CACNA1A: variants seen among roughly 807,000 people sequenced by gnomAD.
CACNA1A encodes voltage-dependent P/Q-type calcium channel subunit alpha-1A.
In CACNA1A, 57 loss-of-function variants were observed where a neutral mutation model predicts 262.4. The ratio of observed to expected loss-of-function variants is 0.22; its 90% CI spans 0.18 to 0.27. CACNA1A has a LOEUF of 0.27. Among genes scored for constraint, CACNA1A ranks in the 10% least tolerant of loss-of-function variants. The pLI, the probability that CACNA1A is intolerant of heterozygous loss-of-function variation, is 1.00. For missense variants in CACNA1A, 2,526 were observed against 3,562.8 expected, an observed-to-expected ratio of 0.71 and a Z score of 7.41; for synonymous variants, 1,431 against 1,419.3, an observed-to-expected ratio of 1.01 and a Z score of -0.18.
At chr19:13,304,822 C>T (rs958006363) in intron 15 of CACNA1A, among the ~76,000 whole-genome samples, 11 of 152,128 alleles carry the variant, frequency 7.2e-5, no homozygotes, top group Non-Finnish European at 1.0e-4. Context: ...GACTTCCCGG[C>T]CTCCAGAACT....
At chr19:13,208,658 G>C (rs932332213) in intron 46 of CACNA1A, 98 bp downstream of exon 46, 249 of 1,388,390 alleles carry the variant, frequency 1.8e-4, no homozygotes, top group Non-Finnish European at 2.3e-4. Context: ...CGGGATCCGG[G>C]GACCTTTGCC....
intron 10 of CACNA1A, among the ~76,000 whole-genome samples, chr19:13,321,683 G>GA (rs2058256331): frequency 6.6e-6 from 1 of 151,004 alleles, no homozygotes; most frequent in Non-Finnish European, 1.5e-5. Flanking sequence ...TCTAAACATA[G>GA]AAAAGGTACA....
chr19:13,442,421 G>A (rs1273629105), intron 3 of CACNA1A, among the ~76,000 whole-genome samples: 1 of 152,202 alleles, frequency 6.6e-6, no homozygotes, highest in Non-Finnish European at 1.5e-5. Flanking sequence ...AGCAAACTCT[G>A]TGATGCCAGA....
intron 24 of CACNA1A, among the ~76,000 whole-genome samples, chr19:13,263,844 G>C (rs2056799098): frequency 6.6e-6 from 1 of 152,112 alleles, no homozygotes; most frequent in African/African-American, 2.4e-5. Context: ...TTTTAAAGGT[G>C]GTATCAGTGG....
intron 12 of CACNA1A, among the ~76,000 whole-genome samples, chr19:13,311,643 C>T (rs1600300809): frequency 6.6e-6 from 1 of 152,260 alleles, no homozygotes; most frequent in Non-Finnish European, 1.5e-5. Context: ...CAAGACCATC[C>T]TGGCTAACAC....
intron 5 of CACNA1A, among the ~76,000 whole-genome samples, chr19:13,360,261 GTGTGTATATATA>G (rs145118883): frequency 0.2 from 20,160 of 103,340 alleles, 2,232 homozygotes; most frequent in East Asian, 0.39. Flanking sequence ...GTGTGTGTGT[GTGTGTATATATA>G]TATATATATA....
chr19:13,276,150 CT>C (rs1292916025), intron 23 of CACNA1A, among the ~76,000 whole-genome samples, 194 bp from the exon 24 acceptor site: 5 of 152,208 alleles, frequency 3.3e-5, no homozygotes. Context: ...CCCCCTTTGC[CT>C]GATGGAAGCC....
At chr19:13,209,059 G>A (rs2054698968) in intron 45 of CACNA1A, 50 bp from the exon 46 acceptor site, 1 of 1,536,012 alleles carries the variant, frequency 6.5e-7, no homozygotes, top group Non-Finnish European at 8.7e-7. Flanking sequence ...TGAGGGAGAG[G>A]TGGGGCAGAT....
At chr19:13,419,469 A>G (rs1223761596) in intron 3 of CACNA1A, among the ~76,000 whole-genome samples, 1 of 152,038 alleles carries the variant, frequency 6.6e-6, no homozygotes, top group African/African-American at 2.4e-5. Flanking sequence ...TGAGCCCAGG[A>G]GTTTGAGACC....
In CACNA1A at chr19:13,210,413, G is replaced by C. The variant is rs767903285; in HGVS notation, c.6339+204C>G. Among the ~76,000 whole-genome samples the C allele has an allele frequency of 3.6e-4, 55 of 152,188 alleles. 1 individual carries two copies. Among genetic ancestry groups the C allele is most frequent in the Non-Finnish European group, 7.2e-4 (49 of 68,024 alleles). On this transcript the variant is annotated intron_variant, in intron 44 of 46. Coordinates refer to ENST00000360228, the MANE Select transcript of CACNA1A (RefSeq NM_001127222.2). ...GGGGGTAGGGGTGAGGATGGGGATG[G>C]CCCCGCCCACCAGGGCTTATGGGTG...
intron 6 of CACNA1A, 90 bp from the exon 7 acceptor site, chr19:13,335,999 T>C: frequency 1.4e-6 from 1 of 739,402 alleles, no homozygotes. Flanking sequence ...TCGGTTCTCT[T>C]GTGGCTCTGT....
chr19:13,329,262 C>T (rs1432423203), intron 10 of CACNA1A, among the ~76,000 whole-genome samples: 1 of 152,098 alleles, frequency 6.6e-6, no homozygotes, highest in African/African-American at 2.4e-5. Flanking sequence ...CTTCTGCTAT[C>T]ACCACCACAG....
At chr19:13,358,273 A>G (rs568547070) in intron 6 of CACNA1A, among the ~76,000 whole-genome samples, 6 of 152,204 alleles carry the variant, frequency 3.9e-5, no homozygotes, top group Admixed American at 3.9e-4. Flanking sequence ...GCTGTGCAAA[A>G]GAATAAAGAA....
chr19:13,498,293 T>G (rs1981927094), intron 1 of CACNA1A, among the ~76,000 whole-genome samples: 1 of 152,094 alleles, frequency 6.6e-6, no homozygotes, highest in Non-Finnish European at 1.5e-5. Flanking sequence ...CATCCAGACT[T>G]CGCCCTCCTG....
Position 13,259,610 on chromosome 19 carries a change from C to T in CACNA1A, c.4342G>A (p.Ala1448Thr). ...GACACGGTGAAGAGGGTCAGCAGAG[C>T]CCACAGCACATTGTCGTAATGGAAT... Reference protein sequence around the residue: ...YEFHYDNVLWALLTLFTVSTG... With the variant: ...YEFHYDNVLWTLLTLFTVSTG... The change falls in exon 27 of 47, where the codon GCT becomes ACT. Residue 1448 changes from alanine to threonine, a missense_variant. This residue lies in a region of CACNA1A where 137 missense variants were observed against 377.7 expected (regional missense o/e 0.36). Coordinates refer to ENST00000360228, the MANE Select transcript of CACNA1A (RefSeq NM_001127222.2). 1 of 1,610,328 alleles carries T rather than the reference C, an allele frequency of 6.2e-7. No individual in the cohort carries two copies. The highest frequency in any genetic ancestry group is 8.5e-7 in the Non-Finnish European group (1 of 1,178,328).
chr19:13,271,524 TCTG>T (rs1298714651), intron 24 of CACNA1A: 1 of 152,094 alleles, frequency 6.6e-6, no homozygotes, highest in Non-Finnish European at 1.5e-5. Flanking sequence ...CCCAGCTCAT[TCTG>T]CTAATTGATC....
intron 1 of CACNA1A, among the ~76,000 whole-genome samples, chr19:13,486,424 C>T (rs1181668599): frequency 2.0e-5 from 3 of 152,064 alleles, no homozygotes; most frequent in Non-Finnish European, 4.4e-5. Flanking sequence ...CACACATACA[C>T]ACACACGTCA....
rs558611599 is a variant in CACNA1A, at chr19:13,240,506, GTACA to G, written c.4950+4672_4950+4675del. On this transcript the variant is annotated intron_variant, in intron 31 of 46. Transcript: ENST00000360228. ...GTGACTACATGCAGTGCCAGTGTGT[GTACA>G]TAGTGACTGTGCACAGTGTGTGTGC... Among the ~76,000 whole-genome samples the G allele has an allele frequency of 2.8e-3, 418 of 151,846 alleles. 3 individuals carry two copies. The highest frequency in any genetic ancestry group is 8.8e-3 in the African/African-American group (366 of 41,474).
In CACNA1A at chr19:13,224,662, C is replaced by T. The variant is rs917419089; in HGVS notation, c.5731+5G>A. The T allele has an allele frequency of 1.9e-6, 3 of 1,601,534 alleles. No homozygotes were observed. The highest frequency in any genetic ancestry group is 2.6e-6 in the Non-Finnish European group (3 of 1,172,486). On this transcript the variant is annotated splice_donor_5th_base_variant and intron_variant, in intron 38 of 46. Coordinates refer to ENST00000360228, the MANE Select transcript of CACNA1A (RefSeq NM_001127222.2). Reference sequence around the variant, plus strand: ...TGTCTGTGCCCGCCCCTGTCCCTTCCTTACCCTTGGCAATCTTGATGTCCA... The same window carrying T: ...TGTCTGTGCCCGCCCCTGTCCCTTCTTTACCCTTGGCAATCTTGATGTCCA...
Sources: allele counts gnomAD v4.1 joint callset (sites outside exome capture counted in the v4.1 genomes callset), GRCh38; gene constraint gnomAD v4.1.1; regional missense constraint gnomAD v4.1.1; transcripts MANE v1.5; gene names NCBI Gene and HGNC (gene_info 2026-07-23, HGNC 2026-07-21).